Variants in NKAIN2 observed in about 807,000 individuals in gnomAD.
NKAIN2 encodes sodium/potassium-transporting ATPase subunit beta-1-interacting protein 2.
A neutral mutation model predicts 32.6 loss-of-function variants in NKAIN2; 14 were observed. That is an observed-to-expected ratio of 0.43 (90% confidence interval 0.28 to 0.67). The LOEUF (loss-of-function observed/expected upper bound fraction) is 0.67, where lower values mean the gene tolerates loss of function less well. NKAIN2 is among the 30% of genes least tolerant of loss of function. The pLI is 0.17. For missense variants in NKAIN2, 198 were observed against 258.3 expected, an observed-to-expected ratio of 0.77 and a Z score of 1.60; for synonymous variants, 80 against 87.2, an observed-to-expected ratio of 0.92 and a Z score of 0.46.
chr6:124,359,880 G>C lies in NKAIN2; in HGVS notation c.273+4533G>C, dbSNP rs1333771036. Among the ~76,000 whole-genome samples, 5 of 152,212 alleles carry C rather than the reference G, an allele frequency of 3.3e-5. No individual in the cohort carries two copies. In the South Asian group the frequency reaches 6.2e-4, roughly 19 times the overall value. On this transcript the variant is annotated intron_variant, in intron 3 of 6. Coordinates refer to ENST00000368417, the MANE Select transcript of NKAIN2 (RefSeq NM_001040214.3). ...TTCAAAGGGAATGCTTCCAGTTTTT[G>C]CCCATTCAGTATGATATTGGCTGTG...
chr6:123,909,629 C>A (rs557004996), intron 1 of NKAIN2, among the ~76,000 whole-genome samples: 1 of 152,300 alleles, frequency 6.6e-6, no homozygotes, highest in South Asian at 2.1e-4. Context: ...TCTTGGCCAG[C>A]TCCTTCATTT....
intron 5 of NKAIN2, among the ~76,000 whole-genome samples, chr6:124,791,947 C>G (rs1779763556): frequency 6.6e-6 from 1 of 152,104 alleles, no homozygotes; most frequent in African/African-American, 2.4e-5. Flanking sequence ...ATGTCAAAGT[C>G]TCAACATTGA....
chr6:124,796,508 A>G (rs900373504), intron 5 of NKAIN2, among the ~76,000 whole-genome samples: 3 of 152,098 alleles, frequency 2.0e-5, no homozygotes, highest in Admixed American at 2.0e-4. Flanking sequence ...TGGGGCACAG[A>G]TTGAGGATAG....
intron 4 of NKAIN2, among the ~76,000 whole-genome samples, chr6:124,765,164 T>C (rs1041561762): frequency 1.6e-4 from 25 of 152,224 alleles, no homozygotes; most frequent in African/African-American, 6.0e-4. Flanking sequence ...CTGAAACATG[T>C]AACATTCTTT....
chr6:124,314,228 G>A (rs1453777210), intron 2 of NKAIN2, among the ~76,000 whole-genome samples: 1 of 151,936 alleles, frequency 6.6e-6, no homozygotes, highest in East Asian at 1.9e-4. Flanking sequence ...TACATACACA[G>A]AAACTAAAGA....
At chr6:124,508,573 G>A (rs1355359869) in intron 3 of NKAIN2, among the ~76,000 whole-genome samples, 1 of 151,994 alleles carries the variant, frequency 6.6e-6, no homozygotes, top group Non-Finnish European at 1.5e-5. Flanking sequence ...TCGATCTCTT[G>A]ACCTCGTGAT....
At chr6:124,292,627 A>G (rs548228690) in intron 2 of NKAIN2, among the ~76,000 whole-genome samples, 1 of 149,020 alleles carries the variant, frequency 6.7e-6, no homozygotes, top group African/African-American at 2.5e-5. Flanking sequence ...CCTGTTCAAG[A>G]TGGATTTGCT....
At chr6:124,549,411 G>A (rs531792069) in intron 3 of NKAIN2, among the ~76,000 whole-genome samples, 16 of 151,912 alleles carry the variant, frequency 1.1e-4, no homozygotes, top group Admixed American at 1.0e-3. Context: ...ATTTTTTTGA[G>A]GTAATTTTAG....
chr6:124,117,017 C>T lies in NKAIN2; in HGVS notation c.55-165988C>T, dbSNP rs187452046. Among the ~76,000 whole-genome samples, 100 of 152,050 alleles carry T rather than the reference C, an allele frequency of 6.6e-4. 1 individual carries two copies. In the East Asian group the frequency reaches 0.017, roughly 26 times the overall value. On this transcript the variant is annotated intron_variant, in intron 1 of 6. Coordinates refer to ENST00000368417, the MANE Select transcript of NKAIN2 (RefSeq NM_001040214.3). ...GATGGATATAAAATTCTGCTTATTT[C>T]TTAAAGTAATTAGCTATAAAATGCT...
At chr6:123,894,979 G>T (rs1774202275) in intron 1 of NKAIN2, among the ~76,000 whole-genome samples, 1 of 151,986 alleles carries the variant, frequency 6.6e-6, no homozygotes, top group African/African-American at 2.4e-5. Flanking sequence ...ACCGGAAGTG[G>T]ATCTATAGCG....
At chr6:124,401,290 G>C (rs1249951371) in intron 3 of NKAIN2, among the ~76,000 whole-genome samples, 1 of 151,952 alleles carries the variant, frequency 6.6e-6, no homozygotes, top group African/African-American at 2.4e-5. Context: ...CCAATTTTTT[G>C]TGCTAATGTA....
intron 3 of NKAIN2, among the ~76,000 whole-genome samples, chr6:124,378,000 C>T (rs1352188950): frequency 6.6e-6 from 1 of 152,086 alleles, no homozygotes; most frequent in African/African-American, 2.4e-5. Context: ...CACATTGTGT[C>T]AACCCTGCTG....
In NKAIN2 at chr6:123,929,010, A is replaced by G. The variant is rs560786290; in HGVS notation, c.54+124756A>G. Among the ~76,000 whole-genome samples, 5 of 152,206 alleles carry G rather than the reference A, an allele frequency of 3.3e-5. No homozygotes were observed. In the South Asian group the frequency reaches 1.0e-3, roughly 32 times the overall value. Reference sequence around the variant, plus strand: ...GAGCAGAAACATTAAAAAACTCCACACTACATGTTCCTACCTGGGTTATGT... The same window carrying G: ...GAGCAGAAACATTAAAAAACTCCACGCTACATGTTCCTACCTGGGTTATGT... On this transcript the variant is annotated intron_variant, in intron 1 of 6. Transcript: ENST00000368417.
chr6:123,916,078 A>G (rs188283370), intron 1 of NKAIN2, among the ~76,000 whole-genome samples: 7 of 152,246 alleles, frequency 4.6e-5, no homozygotes, highest in African/African-American at 1.4e-4. Context: ...ATCTCTGAAC[A>G]CTTCTAGAAA....
At chr6:124,323,595 G>A (rs1313408381) in intron 2 of NKAIN2, among the ~76,000 whole-genome samples, 1 of 151,940 alleles carries the variant, frequency 6.6e-6, no homozygotes, top group African/African-American at 2.4e-5. Flanking sequence ...TCAAAAATTA[G>A]GCATGTTCGT....
intron 3 of NKAIN2, among the ~76,000 whole-genome samples, chr6:124,549,438 C>T (rs777114104): frequency 9.9e-5 from 15 of 152,248 alleles, no homozygotes; most frequent in Non-Finnish European, 2.1e-4. Flanking sequence ...CAAAGAATCA[C>T]AGAAATAGTA....
At chr6:124,171,879 C>T (rs1788899265) in intron 1 of NKAIN2, among the ~76,000 whole-genome samples, 1 of 144,970 alleles carries the variant, frequency 6.9e-6, no homozygotes, top group Non-Finnish European at 1.5e-5. Flanking sequence ...GAGAGTCTCG[C>T]TCTGTCGCCC....
At chr6:123,959,212 G>A (rs191829867) in intron 1 of NKAIN2, among the ~76,000 whole-genome samples, 24 of 152,306 alleles carry the variant, frequency 1.6e-4, no homozygotes, top group East Asian at 1.9e-4. Context: ...CATTTAATCC[G>A]TTGAAGTTGC....
In NKAIN2 at chr6:124,168,152, T is replaced by G. The variant is rs186719103; in HGVS notation, c.55-114853T>G. ...TTTGCAAATTGGACATTTAATTTTTTTATAATAGTGCACAAGTTCATATTA... is the reference window on the plus strand; with the variant it reads ...TTTGCAAATTGGACATTTAATTTTTGTATAATAGTGCACAAGTTCATATTA... On this transcript the variant is annotated intron_variant, in intron 1 of 6. Transcript: ENST00000368417. Among the ~76,000 whole-genome samples, 235 of 152,296 alleles carry G rather than the reference T, an allele frequency of 1.5e-3. 2 individuals carry two copies. Among genetic ancestry groups the G allele is most frequent in the Non-Finnish European group, 2.5e-3 (172 of 67,996 alleles).
Sources: gnomAD v4.1 joint callset for allele counts (sites outside exome capture counted in the v4.1 genomes callset) on GRCh38, gnomAD v4.1.1 for gene constraint, MANE v1.5 for transcripts, NCBI Gene and HGNC (gene_info 2026-07-23, HGNC 2026-07-21) for gene names.